Variants in ATP5F1A observed in about 807,000 individuals in gnomAD.
The protein encoded by ATP5F1A is ATP synthase F(1) complex subunit alpha, mitochondrial.
Under a neutral mutation model 57.4 loss-of-function variants are expected in ATP5F1A, and 24 were observed. That is an observed-to-expected ratio of 0.42 (90% CI 0.30 to 0.59). The LOEUF (loss-of-function observed/expected upper bound fraction) is 0.59, where lower values mean the gene tolerates loss of function less well. Ranked by LOEUF, ATP5F1A falls within the 20% of genes least tolerant of loss-of-function variation. The pLI is 0.19. For synonymous variants in ATP5F1A, 251 were observed against 255.5 expected (o/e 0.98, Z 0.17); for missense variants, 494 against 707.9 (o/e 0.70, Z 3.43).
upstream of ATP5F1A, chr18:46,099,287 C>G (rs1911192808): frequency 6.6e-6 from 1 of 151,804 alleles, no homozygotes; most frequent in African/African-American, 2.4e-5. Context: ...GATGAAAAAA[C>G]ACTTTCTATG....
At chr18:46,097,231 C>T (rs1911031754) in intron 1 of ATP5F1A, among the ~76,000 whole-genome samples, 1 of 151,908 alleles carries the variant, frequency 6.6e-6, no homozygotes, top group African/African-American at 2.4e-5. Flanking sequence ...TAACAGAAAC[C>T]CAAGATGCTA....
At chr18:46,089,389 G>T in intron 5 of ATP5F1A, 177 bp downstream of exon 5, 1 of 714,602 alleles carries the variant, frequency 1.4e-6, no homozygotes, top group Non-Finnish European at 2.3e-6. Flanking sequence ...CACCTGATGA[G>T]AAATACCCAC....
rs1022080558 is a variant in ATP5F1A, at chr18:46,082,830, C to T, written c.*1452G>A. ...CTTTGGGAAGCTGAGGCGGGCAGACCACGAGGTCAGGAGCTCAAGAGCAGC... is the reference window on the plus strand; with the variant it reads ...CTTTGGGAAGCTGAGGCGGGCAGACTACGAGGTCAGGAGCTCAAGAGCAGC... On this transcript the variant is annotated 3_prime_UTR_variant, in exon 12 of 12. Coordinates refer to ENST00000398752, the MANE Select transcript of ATP5F1A (RefSeq NM_004046.6). 1 of 151,842 alleles carries T rather than the reference C, an allele frequency of 6.6e-6. No homozygotes were observed. The highest frequency in any genetic ancestry group is 1.5e-5 in the Non-Finnish European group (1 of 68,020). 9.4% of individuals were successfully genotyped at this position (151,842 alleles called of 1,614,324 possible).
rs185314882 is a variant in ATP5F1A, at chr18:46,087,772, C to T, written c.800-280G>A. The T allele has an allele frequency of 1.3e-4, 56 of 436,550 alleles. 1 individual carries two copies. Among genetic ancestry groups the T allele is most frequent in the Non-Finnish European group, 8.2e-6 (2 of 244,532 alleles). 27.0% of individuals were successfully genotyped at this position (436,550 alleles called of 1,614,324 possible). On this transcript the variant is annotated intron_variant, in intron 6 of 11. Transcript: ENST00000398752. ...GCATGCACCTGTAATCCCAGCTACTCGGGAGGCTGAGACAGGAGAATCGCT... is the reference window on the plus strand; with the variant it reads ...GCATGCACCTGTAATCCCAGCTACTTGGGAGGCTGAGACAGGAGAATCGCT...
At chr18:46,086,886 A>T in intron 8 of ATP5F1A, 122 bp downstream of exon 8, 1 of 1,102,352 alleles carries the variant, frequency 9.1e-7, no homozygotes, top group South Asian at 1.7e-5. Flanking sequence ...ATGTATTTGA[A>T]ATTTTCCATA....
intron 10 of ATP5F1A, chr18:46,084,893 G>C (rs1909968445): frequency 1.8e-5 from 7 of 395,200 alleles, no homozygotes; most frequent in Non-Finnish European, 3.1e-5. Context: ...TAGTCCATAA[G>C]CACTGTTTAT....
Position 46,098,240 on chromosome 18 carries a change from T to C in ATP5F1A, c.-9A>G, listed in dbSNP as rs371671312. The C allele has an allele frequency of 4.2e-5, 67 of 1,604,426 alleles. No individual in the cohort carries two copies. The highest frequency in any genetic ancestry group is 5.4e-5 in the Non-Finnish European group (64 of 1,178,328). On this transcript the variant is annotated 5_prime_UTR_variant, in exon 1 of 12. Transcript: ENST00000398752. Reference sequence around the variant, plus strand: ...ACGCGCACGGACAGCATCTTTGCAGTTACTCCGCAGGCGGTACTTCTGCAG... The same window carrying C: ...ACGCGCACGGACAGCATCTTTGCAGCTACTCCGCAGGCGGTACTTCTGCAG...
Position 46,091,662 on chromosome 18 carries a change from AATCTT to A in ATP5F1A, c.309+15_309+19del. 1 of 1,559,048 alleles carries A rather than the reference AATCTT, an allele frequency of 6.4e-7. No individual in the cohort carries two copies. Among genetic ancestry groups the A allele is most frequent in the Non-Finnish European group, 8.7e-7 (1 of 1,155,790 alleles). ...GAAGACTTAGATCCTAAAACACCAA[AATCTT>A]ATTTTATAATTTACCTTTAAGCCTG... On this transcript the variant is annotated intron_variant, in intron 3 of 11. Transcript: ENST00000398752.
chr18:46,091,550 T>A (rs74595364), intron 3 of ATP5F1A, 132 bp downstream of exon 3: 14 of 998,264 alleles, frequency 1.4e-5, no homozygotes, highest in Non-Finnish European at 1.8e-5. Context: ...CAATCTATGA[T>A]AATAACAAGA....
chr18:46,080,330 G>T lies in ATP5F1A; in HGVS notation c.*3952C>A, dbSNP rs1009644120. 2 of 152,136 alleles carry T rather than the reference G, an allele frequency of 1.3e-5. No homozygotes were observed. Among genetic ancestry groups the T allele is most frequent in the African/African-American group, 4.8e-5 (2 of 41,424 alleles). The allele number at this position is 152,136 out of a possible 1,614,324, so 9.4% of individuals were successfully genotyped here. On this transcript the variant is annotated 3_prime_UTR_variant, in exon 12 of 12. Transcript: ENST00000398752. ...TCAAAGGTCAAGTGCCTTCTCAAATGTTCACCACCCCCAGTGATAAGATAA... is the reference window on the plus strand; with the variant it reads ...TCAAAGGTCAAGTGCCTTCTCAAATTTTCACCACCCCCAGTGATAAGATAA...
intron 6 of ATP5F1A, chr18:46,087,826 G>A (rs765309301): frequency 7.0e-5 from 32 of 455,502 alleles, no homozygotes; most frequent in Non-Finnish European, 1.2e-5. Flanking sequence ...GTTGCAGTGA[G>A]CTGAGATCGT....
chr18:46,086,968 A>T (rs961124919), intron 8 of ATP5F1A, 40 bp downstream of exon 8: 54 of 1,596,948 alleles, frequency 3.4e-5, no homozygotes, highest in Non-Finnish European at 4.0e-5. Flanking sequence ...AGAATTATCC[A>T]AATCTTTTTT....
At position 46,084,133 on chromosome 18, in the gene ATP5F1A, T is replaced by C; in HGVS notation, c.*149A>G. ...TCTTGGTTTTAAAGAATAACACAAA[T>C]GACAGAAAACAACTATGCATTATGG... On this transcript the variant is annotated 3_prime_UTR_variant, in exon 12 of 12. Coordinates refer to ENST00000398752, the MANE Select transcript of ATP5F1A (RefSeq NM_004046.6). 2 of 605,746 alleles carry C rather than the reference T, an allele frequency of 3.3e-6. No individual in the cohort carries two copies. The highest frequency in any genetic ancestry group is 5.4e-6 in the Non-Finnish European group (2 of 372,010). 37.5% of individuals were successfully genotyped at this position (605,746 alleles called of 1,614,324 possible).
rs367717647 is a variant in ATP5F1A at position 46,090,453 on chromosome 18, TCGAG to T, written c.310-461_310-458del. 1.9e-3 allele frequency among the ~76,000 whole-genome samples: 284 copies of T among 152,324 alleles called. 2 individuals carry two copies. The highest frequency in any genetic ancestry group is 6.7e-3 in the African/African-American group (279 of 41,582). ...AAAAATTAATCAAAACCTGTACTCT[TCGAG>T]TTAGTAGAAAGTGAAATTAAAAGCT... On this transcript the variant is annotated intron_variant, in intron 3 of 11. Coordinates refer to ENST00000398752, the MANE Select transcript of ATP5F1A (RefSeq NM_004046.6).
In ATP5F1A at chr18:46,081,933, G is replaced by T. The variant is rs1909775655; in HGVS notation, c.*2349C>A. On this transcript the variant is annotated 3_prime_UTR_variant, in exon 12 of 12. Coordinates refer to ENST00000398752, the MANE Select transcript of ATP5F1A (RefSeq NM_004046.6). ...TATGTAAATATATTTTGACTTACTG[G>T]AGACAGAGAGATGGATAAGAATGAA... 1 of 151,834 alleles carries T rather than the reference G, an allele frequency of 6.6e-6. No individual in the cohort carries two copies. The highest frequency in any genetic ancestry group is 1.5e-5 in the Non-Finnish European group (1 of 67,974). The allele number at this position is 151,834 out of a possible 1,614,324, so 9.4% of individuals were successfully genotyped here. A position where few individuals can be genotyped will look rare whatever the true frequency, so the allele number is the denominator to read the frequency against.
At chr18:46,088,386 T>C (rs1393719825) in intron 5 of ATP5F1A, 129 bp from the exon 6 acceptor site, 3 of 877,568 alleles carry the variant, frequency 3.4e-6, no homozygotes, top group Admixed American at 3.4e-5. Flanking sequence ...CTCCATTTTG[T>C]TCTGTACTAA....
intron 1 of ATP5F1A, chr18:46,097,701 G>A (rs1911061777): frequency 1.9e-6 from 1 of 527,172 alleles, no homozygotes; most frequent in Non-Finnish European, 2.4e-6. Flanking sequence ...CTGAGCTCCA[G>A]GCAGAGGTGA....
chr18:46,096,049 C>T (rs1392488352), intron 1 of ATP5F1A, among the ~76,000 whole-genome samples: 3 of 151,810 alleles, frequency 2.0e-5, no homozygotes, highest in Admixed American at 1.3e-4. Context: ...CCACCATGCC[C>T]GGCTAATTTT....
Position 46,089,099 on chromosome 18 carries a change from G to A in ATP5F1A, c.650+467C>T, listed in dbSNP as rs990803606. Among the ~76,000 whole-genome samples the A allele has an allele frequency of 3.3e-5, 5 of 151,796 alleles. No individual in the cohort carries two copies. In the East Asian group the frequency reaches 5.8e-4, roughly 18 times the overall value. Reference sequence around the variant, plus strand: ...ACAGTCCTGCCACATCCCCCACACCGAGATAGTAGAGATAGTGATCAATAA... The same window carrying A: ...ACAGTCCTGCCACATCCCCCACACCAAGATAGTAGAGATAGTGATCAATAA... On this transcript the variant is annotated intron_variant, in intron 5 of 11. Transcript: ENST00000398752.
Sources: gnomAD v4.1 joint callset for allele counts (sites outside exome capture counted in the v4.1 genomes callset) on GRCh38, gnomAD v4.1.1 for gene constraint, MANE v1.5 for transcripts, NCBI Gene and HGNC (gene_info 2026-07-23, HGNC 2026-07-21) for gene names.